The following MEGF6 variants were observed in gnomAD, a reference collection of about 807,000 sequenced individuals.
The protein encoded by MEGF6 is multiple epidermal growth factor-like domains protein 6.
Under a neutral mutation model 207.1 loss-of-function variants are expected in MEGF6, and 184 were observed. The observed-to-expected ratio is 0.89, with a 90% CI of 0.79 to 1.00. The LOEUF (loss-of-function observed/expected upper bound fraction) is 1.00, where lower values mean the gene tolerates loss of function less well. Among genes scored for constraint, MEGF6 ranks in the 50% least tolerant of loss-of-function variants. MEGF6 has a pLI of 0.00. For synonymous variants in MEGF6, 1,038 were observed against 910.0 expected, an observed-to-expected ratio of 1.14 and a Z score of -2.53; for missense variants, 2,282 against 2,202.9, an observed-to-expected ratio of 1.04 and a Z score of -0.72.
At chr1:3,578,538 G>GC (rs113141110) in intron 4 of MEGF6, among the ~76,000 whole-genome samples, 3 of 81,714 alleles carry the variant, frequency 3.7e-5, no homozygotes, top group African/African-American at 9.3e-5. Context: ...AGGGGCCCTG[G>GC]GGGGGGGGGG....
intron 7 of MEGF6, 60 bp from the exon 8 acceptor site, chr1:3,512,188 C>T (rs1474718333): frequency 2.6e-6 from 4 of 1,546,178 alleles, no homozygotes; most frequent in Non-Finnish European, 2.6e-6. Context: ...TTGCATGGGA[C>T]CAGTGGAAGA....
chr1:3,590,126 G>A (rs1210751711), intron 3 of MEGF6, among the ~76,000 whole-genome samples: 1 of 152,190 alleles, frequency 6.6e-6, no homozygotes, highest in African/African-American at 2.4e-5. Flanking sequence ...GGGGTACAGG[G>A]GGCTGCAGGC....
rs139812486 is a variant in MEGF6, at chr1:3,511,044, C to T, written c.1115-142G>A. Reference sequence around the variant, plus strand: ...CTGCCCACAGCCTCACGTGTGCACACCGACATTCATGGCACCTGCAGACAA... The same window carrying T: ...CTGCCCACAGCCTCACGTGTGCACATCGACATTCATGGCACCTGCAGACAA... On this transcript the variant is annotated intron_variant, in intron 9 of 36. Transcript: ENST00000356575. The T allele has an allele frequency of 3.5e-4, 429 of 1,227,218 alleles. 1 individual carries two copies. In the East Asian group the frequency reaches 0.01, roughly 30 times the overall value. The allele number at this position is 1,227,218 out of a possible 1,614,324, so 76.0% of individuals were successfully genotyped here. A position where few individuals can be genotyped will look rare whatever the true frequency, so the allele number is the denominator to read the frequency against.
chr1:3,494,012 G>T lies in MEGF6; in HGVS notation c.4242C>A (p.Gly1414=), dbSNP rs748144439. 6.2e-7 allele frequency: 1 copy of T among 1,603,882 alleles called. No homozygotes were observed. Among genetic ancestry groups the T allele is most frequent in the Non-Finnish European group, 8.5e-7 (1 of 1,176,240 alleles). ...AGCACTCACCCCTCTCACAGAAGTG[G>T]CCGTGGAAGCCGGCAGGGCAGAGGC... ...GRCLCPAGFH[G]HFCERGCEPG... Residue 1414 remains glycine (G), a synonymous_variant, in exon 33 of 37, where the codon GGC becomes GGA. Coordinates refer to ENST00000356575, the MANE Select transcript of MEGF6 (RefSeq NM_001409.4).
chr1:3,497,345 C>A lies in MEGF6; in HGVS notation c.3369G>T (p.Trp1123Cys). ...AGCGCTGGGCACAGGCCTCTCCAAA[C>A]CAGCCCCGCAGGCAGGCTGCAGAAA... ...DKCQSPCLRG[W>C]FGEACAQRCS... Residue 1123 changes from tryptophan to cysteine, a missense_variant, in exon 27 of 37, where the codon TGG (tryptophan) becomes TGT (cysteine). Coordinates refer to ENST00000356575, the MANE Select transcript of MEGF6 (RefSeq NM_001409.4). The A allele has an allele frequency of 6.5e-7, 1 of 1,548,690 alleles. No homozygotes were observed. Among genetic ancestry groups the A allele is most frequent in the Non-Finnish European group, 8.7e-7 (1 of 1,152,958 alleles).
intron 4 of MEGF6, among the ~76,000 whole-genome samples, chr1:3,574,632 C>CTATTTATT (rs3037440): frequency 2.0e-5 from 3 of 149,838 alleles, no homozygotes; most frequent in African/African-American, 7.6e-5. Flanking sequence ...CCAAAGGTTA[C>CTATTTATT]TATTTATTTA....
intron 4 of MEGF6, among the ~76,000 whole-genome samples, chr1:3,532,186 G>GC (rs1460647642): frequency 2.0e-5 from 3 of 152,248 alleles, no homozygotes; most frequent in African/African-American, 4.8e-5. Context: ...CGAGGGCATA[G>GC]CCCGGGGGAG....
chr1:3,613,265 G>C (rs554181723), upstream of MEGF6, among the ~76,000 whole-genome samples: 24 of 152,236 alleles, frequency 1.6e-4, no homozygotes, highest in African/African-American at 5.8e-4. Flanking sequence ...CTGGGTTTGG[G>C]GGCTACTTTC....
intron 4 of MEGF6, among the ~76,000 whole-genome samples, chr1:3,562,746 G>T (rs1355821899): frequency 2.6e-5 from 4 of 152,216 alleles, no homozygotes; most frequent in Non-Finnish European, 5.9e-5. Context: ...GAAACCAAGG[G>T]TTGGACAGGC....
At chr1:3,604,734 G>C (rs563860143) in intron 1 of MEGF6, among the ~76,000 whole-genome samples, 19 of 152,272 alleles carry the variant, frequency 1.2e-4, no homozygotes, top group African/African-American at 4.3e-4. Context: ...CCAGCTAATG[G>C]TGATGACTAA....
At chr1:3,509,303 C>G (rs2794359) in intron 11 of MEGF6, 58 bp from the exon 12 acceptor site, 1 of 1,373,868 alleles carries the variant, frequency 7.3e-7, no homozygotes, top group Non-Finnish European at 9.4e-7. Flanking sequence ...CTCCAGCGAC[C>G]CCCCGGCGGG....
intron 6 of MEGF6, 102 bp downstream of exon 6, chr1:3,515,300 C>T: frequency 2.8e-6 from 4 of 1,405,254 alleles, no homozygotes; most frequent in Non-Finnish European, 3.9e-6. Flanking sequence ...TCTCAGCAGC[C>T]TTGGGGGCCT....
intron 1 of MEGF6, among the ~76,000 whole-genome samples, chr1:3,608,032 G>A (rs1239586733): frequency 2.6e-5 from 4 of 152,190 alleles, no homozygotes; most frequent in African/African-American, 9.7e-5. Flanking sequence ...CGGGGGTGAG[G>A]GGAGTTGGGG....
rs570490932 is a variant in MEGF6 at position 3,530,746 on chromosome 1, T to C, written c.482-6500A>G. Among the ~76,000 whole-genome samples, 493 of 152,230 alleles carry C rather than the reference T, an allele frequency of 3.2e-3. 4 individuals are homozygous for C. Among genetic ancestry groups the C allele is most frequent in the African/African-American group, 0.012 (478 of 41,546 alleles). On this transcript the variant is annotated intron_variant, in intron 4 of 36. Transcript: ENST00000356575. Reference sequence around the variant, plus strand: ...AAGGGCCTTTGTCTCCAGCCTGCCTTTTCACTTGACCCGCAGAGTCGCCAG... The same window carrying C: ...AAGGGCCTTTGTCTCCAGCCTGCCTCTTCACTTGACCCGCAGAGTCGCCAG...
At chr1:3,496,249 C>T (rs60568081) in intron 29 of MEGF6, among the ~76,000 whole-genome samples, 2,719 of 152,310 alleles carry the variant, frequency 0.018, 75 homozygotes, top group African/African-American at 0.061. Flanking sequence ...CTGCCACCCC[C>T]GCCCACCCCG....
chr1:3,601,647 C>A (rs1024268107), intron 2 of MEGF6, among the ~76,000 whole-genome samples: 2 of 152,188 alleles, frequency 1.3e-5, no homozygotes, highest in African/African-American at 2.4e-5. Flanking sequence ...TCCACTGTCC[C>A]GGGGTAGGAA....
chr1:3,572,522 A>G (rs1244177450), intron 4 of MEGF6, among the ~76,000 whole-genome samples: 8 of 92,818 alleles, frequency 8.6e-5, no homozygotes, highest in Admixed American at 1.3e-4. Context: ...GTCCTTCCTG[A>G]GTGTGTTAGG....
At chr1:3,515,615 T>C (rs2101090435) in intron 5 of MEGF6, 88 bp from the exon 6 acceptor site, 1 of 1,500,664 alleles carries the variant, frequency 6.7e-7, no homozygotes, top group South Asian at 1.2e-5. Flanking sequence ...GGGAGTGGCA[T>C]GGCCACTTCT....
chr1:3,564,731 C>T (rs374117435), intron 4 of MEGF6, among the ~76,000 whole-genome samples: 5 of 152,194 alleles, frequency 3.3e-5, no homozygotes, highest in African/African-American at 9.7e-5. Flanking sequence ...AGCCATGCAA[C>T]AGGGGTGAGT....
Sources: gnomAD v4.1 joint callset for allele counts (sites outside exome capture counted in the v4.1 genomes callset) on GRCh38, gnomAD v4.1.1 for gene constraint, MANE v1.5 for transcripts, NCBI Gene and HGNC (gene_info 2026-07-23, HGNC 2026-07-21) for gene names.